The following RSF1 variants were observed in gnomAD, a reference collection of about 807,000 sequenced individuals.
RSF1 encodes HBV pX-associated protein 8.
Under a neutral mutation model 145.2 loss-of-function variants are expected in RSF1, and 13 were observed. That is an observed-to-expected ratio of 0.09 (90% CI 0.06 to 0.14). The LOEUF (loss-of-function observed/expected upper bound fraction) is 0.14. Among genes scored for constraint, RSF1 ranks in the 10% least tolerant of loss-of-function variants. The pLI, the probability that RSF1 is intolerant of heterozygous loss-of-function variation, is 1.00. For synonymous variants in RSF1, 577 were observed against 592.6 expected, an observed-to-expected ratio of 0.97 and a Z score of 0.38; for missense variants, 1,517 against 1,718.2, an observed-to-expected ratio of 0.88 and a Z score of 2.07.
chr11:77,726,372 G>T (rs566664021), intron 4 of RSF1, among the ~76,000 whole-genome samples: 1 of 152,068 alleles, frequency 6.6e-6, no homozygotes, highest in Non-Finnish European at 1.5e-5. Context: ...ACCTGATCAC[G>T]GCTCACGGTA....
Position 77,728,131 on chromosome 11 carries a change from T to C in RSF1, c.579-2432A>G, listed in dbSNP as rs530869553. ...TCCAAACCATTTCTTCTTTCAGGTA[T>C]GTTAAATCAGATATATCCCTCCAAA... On this transcript the variant is annotated intron_variant, in intron 4 of 15. Coordinates refer to ENST00000308488, the MANE Select transcript of RSF1 (RefSeq NM_016578.4). 2.0e-5 allele frequency among the ~76,000 whole-genome samples: 3 copies of C among 152,328 alleles called. No homozygotes were observed. The South Asian group carries it at 6.2e-4, about 32-fold the overall frequency.
chr11:77,826,905 GA>G, the RSF1 span, among the ~76,000 whole-genome samples: 1 of 152,162 alleles, frequency 6.6e-6, no homozygotes, highest in Non-Finnish European at 1.5e-5. Context: ...AGAAGTTCGA[GA>G]CCAGCCTGGC....
At chr11:77,728,964 T>C (rs1308514981) in intron 4 of RSF1, among the ~76,000 whole-genome samples, 2 of 152,264 alleles carry the variant, frequency 1.3e-5, no homozygotes, top group South Asian at 2.1e-4. Flanking sequence ...AAATTCTAGA[T>C]ACAATCATGC....
rs199860673 is a variant in RSF1, at chr11:77,667,283, C to T, written c.3960G>A (p.Gln1320=). The part of the protein sequence containing the change: ...SCDNAHGDAN[Q]PARDSQPRVL... ...CCCTAGGCTGGCTGTCACGGGCAGG[C>T]TGATTTGCATCTCCATGAGCATTGT... Residue 1320 remains glutamine, a synonymous_variant, in exon 16 of 16, where the codon CAG becomes CAA. Transcript: ENST00000308488. 3 of 1,614,064 alleles carry T rather than the reference C, an allele frequency of 1.9e-6. No individual in the cohort carries two copies. Among genetic ancestry groups the T allele is most frequent in the Non-Finnish European group, 2.5e-6 (3 of 1,180,036 alleles).
At chr11:77,783,891 G>A (rs1012024128) in intron 1 of RSF1, among the ~76,000 whole-genome samples, 3 of 151,912 alleles carry the variant, frequency 2.0e-5, no homozygotes, top group Admixed American at 6.6e-5. Context: ...CCAACAAAAC[G>A]TCTTCTTTGT....
rs1010702776 is a variant in RSF1, at chr11:77,666,771, A to G, written c.*146T>C. 2 of 561,792 alleles carry G rather than the reference A, an allele frequency of 3.6e-6. No homozygotes were observed. Among genetic ancestry groups the G allele is most frequent in the Non-Finnish European group, 5.9e-6 (2 of 338,952 alleles). 34.8% of individuals were successfully genotyped at this position (561,792 alleles called of 1,614,324 possible). A position where few individuals can be genotyped will look rare whatever the true frequency, so the allele number is the denominator to read the frequency against. ...AAGTTCAGAACTGGTCACTTCACAG[A>G]AAGACTTCAGGATTTGTTGAAATTT... On this transcript the variant is annotated 3_prime_UTR_variant, in exon 16 of 16. Transcript: ENST00000308488.
intron 5 of RSF1, among the ~76,000 whole-genome samples, chr11:77,719,485 G>C (rs891437002): frequency 6.6e-6 from 1 of 152,142 alleles, no homozygotes; most frequent in Non-Finnish European, 1.5e-5. Flanking sequence ...TAAATCTCAC[G>C]TAAATAGAAA....
intron 1 of RSF1, among the ~76,000 whole-genome samples, chr11:77,786,921 C>T (rs140266045): frequency 1.3e-5 from 2 of 152,126 alleles, no homozygotes; most frequent in African/African-American, 2.4e-5. Flanking sequence ...CCTATAACTA[C>T]CCCAATTTAC....
the RSF1 span, among the ~76,000 whole-genome samples, chr11:77,849,737 C>A: frequency 2.0e-5 from 3 of 152,112 alleles, no homozygotes; most frequent in Admixed American, 1.3e-4. Context: ...ATATCAAATT[C>A]TTTTTATCTT....
chr11:77,672,050 T>A lies in RSF1; in HGVS notation c.3743A>T (p.Glu1248Val), dbSNP rs980859356. 5.0e-6 allele frequency: 8 copies of A among 1,610,236 alleles called. No homozygotes were observed. The highest frequency in any genetic ancestry group is 1.3e-5 in the African/African-American group (1 of 74,608). The change falls in exon 15 of 16, where the codon GAG (glutamate) becomes GTG (valine). Residue 1248 changes from glutamate (E) to valine (V), a missense_variant. By Grantham distance (121) the Glu-to-Val change is moderately radical. Coordinates refer to ENST00000308488, the MANE Select transcript of RSF1 (RefSeq NM_016578.4). ...RVHKRRLSSS[E>V]SEESYLSKNS... ...GGAGACCTATGCCTTACCTTCACTC[T>A]CTGAGCTGGAAAGTCTTCGCTTGTG... is the stretch of plus-strand genomic sequence containing the variant.
At position 77,820,720 on chromosome 11, in the gene RSF1, A is replaced by G; in HGVS notation, c.-6T>C. 6.5e-7 allele frequency: 1 copy of G among 1,547,010 alleles called. No homozygotes were observed. Among genetic ancestry groups the G allele is most frequent in the Non-Finnish European group, 8.7e-7 (1 of 1,146,134 alleles). On this transcript the variant is annotated 5_prime_UTR_variant, in exon 1 of 16. Transcript: ENST00000308488. ...GCTGCCGCCGCCGTCGCCATTTTGA[A>G]CTGGAGGATGGAGGAGGAGGCGATG...
rs577351346 is a variant in RSF1 at position 77,800,198 on chromosome 11, A to G, written c.187+20330T>C. Among the ~76,000 whole-genome samples the G allele has an allele frequency of 9.2e-5, 14 of 152,254 alleles. No individual in the cohort carries two copies. The East Asian group carries it at 2.7e-3, about 29-fold the overall frequency. ...AATAAATAAAAATAAAGTTTAGGAA[A>G]AATTTGGCTGTGGTAGGGCGTAGTG... On this transcript the variant is annotated intron_variant, in intron 1 of 15. Coordinates refer to ENST00000308488, the MANE Select transcript of RSF1 (RefSeq NM_016578.4).
the RSF1 span, among the ~76,000 whole-genome samples, chr11:77,864,152 C>A: frequency 6.6e-6 from 1 of 152,120 alleles, no homozygotes; most frequent in Non-Finnish European, 1.5e-5. Context: ...GTCTCGAACT[C>A]CTGACCTCAG....
chr11:77,761,574 T>C (rs145748149), intron 2 of RSF1, among the ~76,000 whole-genome samples: 1,596 of 152,280 alleles, frequency 0.01, 8 homozygotes, highest in Non-Finnish European at 0.017. Context: ...TGTGAAGGCA[T>C]GTGAAGGCAA....
At chr11:77,704,044 AGCACTTTGGGAGGCC>A (rs1960485313) in intron 5 of RSF1, among the ~76,000 whole-genome samples, 1 of 152,246 alleles carries the variant, frequency 6.6e-6, no homozygotes, top group South Asian at 2.1e-4. Context: ...CTTTAATCCC[AGCACTTTGGGAGGCC>A]AAGTTGGGTG....
the RSF1 span, among the ~76,000 whole-genome samples, chr11:77,836,608 C>G: frequency 6.6e-6 from 1 of 152,344 alleles, no homozygotes; most frequent in African/African-American, 2.4e-5. Context: ...AAGAAATCCT[C>G]AAAACATACT....
chr11:77,833,010 T>TATA, the RSF1 span, among the ~76,000 whole-genome samples: 439 of 32,666 alleles, frequency 0.013, 33 homozygotes, highest in African/African-American at 0.073. Flanking sequence ...TATATATATA[T>TATA]TTTTTTTTTT....
At chr11:77,848,676 G>C in the RSF1 span, among the ~76,000 whole-genome samples, 2 of 152,132 alleles carry the variant, frequency 1.3e-5, no homozygotes, top group Non-Finnish European at 2.9e-5. Flanking sequence ...ATTCTTTATA[G>C]AAACTTAAGC....
intron 5 of RSF1, among the ~76,000 whole-genome samples, chr11:77,715,620 G>A (rs913623747): frequency 3.0e-4 from 46 of 152,160 alleles, no homozygotes; most frequent in Middle Eastern, 3.4e-3. Context: ...GCTAATTTTT[G>A]TAATTTTAGT....
Sources: gnomAD v4.1 joint callset for allele counts (sites outside exome capture counted in the v4.1 genomes callset) on GRCh38, gnomAD v4.1.1 for gene constraint, MANE v1.5 for transcripts, NCBI Gene and HGNC (gene_info 2026-07-23, HGNC 2026-07-21) for gene names.